The following RBL1 variants were observed in gnomAD, a reference collection of about 807,000 sequenced individuals.
RBL1 encodes RB transcriptional corepressor like 1.
RBL1 carries 82 observed loss-of-function variants against 123.0 expected under a neutral mutation model. That is an observed-to-expected ratio of 0.67 (90% CI 0.56 to 0.80). The LOEUF is 0.80. RBL1 is among the 30% of genes least tolerant of loss of function. The probability of loss-of-function intolerance (pLI) is 0.00; values close to 1 mark genes in which losing one functional copy is unlikely to be tolerated. For synonymous variants in RBL1, 405 were observed against 441.3 expected (o/e 0.92, Z 1.03); for missense variants, 1,171 against 1,299.6 (o/e 0.90, Z 1.52).
chr20:37,005,305 G>T (rs1240929514), intron 20 of RBL1, among the ~76,000 whole-genome samples: 1 of 151,796 alleles, frequency 6.6e-6, no homozygotes, highest in Non-Finnish European at 1.5e-5. Context: ...TACTCAGGAG[G>T]CTGAGTTACA....
Position 37,035,400 on chromosome 20 carries a change from A to G in RBL1, c.2012T>C (p.Met671Thr), listed in dbSNP as rs767860008. The G allele has an allele frequency of 1.2e-6, 2 of 1,614,180 alleles. No homozygotes were observed. Among genetic ancestry groups the G allele is most frequent in the Admixed American group, 1.7e-5 (1 of 60,030 alleles). ...TGTTCCTTCTGTTATGATCTTGTCC[A>G]TAAGCATTTCCTTTGGGGGGTCCTC... ...FGEDPPKEMLMDKIITEGTKL... is the reference protein window; with the variant it reads ...FGEDPPKEMLTDKIITEGTKL... The change falls in exon 15 of 22, where the codon ATG becomes ACG. Residue 671 changes from methionine to threonine, a missense_variant. By Grantham distance (81) the Met-to-Thr change is moderately conservative (BLOSUM62 -1). Transcript: ENST00000373664.
chr20:37,032,823 T>C lies in RBL1; in HGVS notation c.2224A>G (p.Asn742Asp). ...GGACTCTTGACTTTGGACTCCTGAT[T>C]TGTATTCATGGAAAGAGGTATCAGT... ...ITLIPLSMNT[N>D]QESKVKSPVS... is the part of the protein sequence containing the mutation. The change falls in exon 16 of 22, where the codon AAT becomes GAT. Residue 742 changes from asparagine (N) to aspartate (D), a missense_variant. By Grantham distance (23) the Asn-to-Asp change is conservative. Transcript: ENST00000373664. 1 of 1,614,010 alleles carries C rather than the reference T, an allele frequency of 6.2e-7. No homozygotes were observed. Among genetic ancestry groups the C allele is most frequent in the South Asian group, 1.1e-5 (1 of 91,080 alleles).
At chr20:37,088,265 CAA>C (rs1201898782) in intron 2 of RBL1, among the ~76,000 whole-genome samples, 16 of 53,574 alleles carry the variant, frequency 3.0e-4, no homozygotes, top group South Asian at 5.7e-4. Flanking sequence ...AACTCCATCT[CAA>C]AAAAAAAAAA....
rs553948411 is a variant in RBL1 at position 37,036,556 on chromosome 20, G to A, written c.1904-1048C>T. ...TTTGGGATTACAAGCTTCAGCCACC[G>A]TGCCCGGCCTTCATTATTTATTTTT... On this transcript the variant is annotated intron_variant, in intron 14 of 21. Transcript: ENST00000373664. Among the ~76,000 whole-genome samples, 12 of 151,496 alleles carry A rather than the reference G, an allele frequency of 7.9e-5. No homozygotes were observed. The South Asian group carries it at 1.9e-3, about 24-fold the overall frequency.
At chr20:37,022,125 G>C (rs944853981) in intron 17 of RBL1, 1 of 152,142 alleles carries the variant, frequency 6.6e-6, no homozygotes, top group African/African-American at 2.4e-5. Context: ...GAAAAATCAA[G>C]TCTTAACTGT....
intron 16 of RBL1, among the ~76,000 whole-genome samples, chr20:37,023,539 A>G (rs1394043667): frequency 6.6e-6 from 1 of 152,168 alleles, no homozygotes; most frequent in African/African-American, 2.4e-5. Context: ...TCCAAAAATG[A>G]GTCAGAAAGC....
In RBL1 at chr20:37,044,134, C is replaced by T. The variant is rs1211936495; in HGVS notation, c.1722G>A (p.Leu574=). 2.5e-6 allele frequency: 4 copies of T among 1,611,952 alleles called. No homozygotes were observed. The highest frequency in any genetic ancestry group is 3.3e-5 in the Admixed American group (2 of 59,806). Reference sequence around the variant, plus strand: ...TTGCAGAAACCTGGAGAGCCTCCCACAGTGCAGAATCGTGACTCCATGCTA... The same window carrying T: ...TTGCAGAAACCTGGAGAGCCTCCCATAGTGCAGAATCGTGACTCCATGCTA... ...ESLAWSHDSA[L]WEALQVSANK... Residue 574 remains leucine, a synonymous_variant, in exon 13 of 22, where the codon CTG becomes CTA. Coordinates refer to ENST00000373664, the MANE Select transcript of RBL1 (RefSeq NM_002895.5).
At chr20:37,032,501 G>GTGAA (rs2064529207) in intron 16 of RBL1, among the ~76,000 whole-genome samples, 164 bp downstream of exon 16, 1 of 151,926 alleles carries the variant, frequency 6.6e-6, no homozygotes, top group Non-Finnish European at 1.5e-5. Flanking sequence ...GCACAACAAT[G>GTGAA]TGAATGTATT....
At position 37,095,920 on chromosome 20, in the gene RBL1, C is replaced by T. The variant is rs775786158; in HGVS notation, c.9G>A (p.Glu3=). MF[E]DKPHAEGAAV... ...CCGCCCCCTCAGCGTGGGGCTTGTC[C>T]TCGAACATCCCTTCAGGCCCCGCGG... The change falls in exon 1 of 22, where the codon GAG becomes GAA. Residue 3 remains glutamate (E), a synonymous_variant. Coordinates refer to ENST00000373664, the MANE Select transcript of RBL1 (RefSeq NM_002895.5). 1.9e-6 allele frequency: 3 copies of T among 1,587,146 alleles called. No individual in the cohort carries two copies. Among genetic ancestry groups the T allele is most frequent in the Middle Eastern group, 2.3e-4 (1 of 4,376 alleles).
rs767423393 is a variant in RBL1, at chr20:37,068,077, C to T, written c.400G>A (p.Val134Ile). 74 of 1,613,052 alleles carry T rather than the reference C, an allele frequency of 4.6e-5. No homozygotes were observed. Among genetic ancestry groups the T allele is most frequent in the African/African-American group, 6.7e-5 (5 of 74,718 alleles). ...ATTGGCTCATATTTTTTGAATATTA[C>T]AGTAGACACCTCAAAATTTCTCTCT... Reference protein sequence around the residue: ...RLERNFEVSTVIFKKYEPIFL... With the variant: ...RLERNFEVSTIIFKKYEPIFL... The change falls in exon 3 of 22, where the codon GTA becomes ATA. Residue 134 changes from valine to isoleucine, a missense_variant. Transcript: ENST00000373664.
intron 14 of RBL1, among the ~76,000 whole-genome samples, chr20:37,037,871 G>C (rs2064646320): frequency 6.6e-6 from 1 of 151,832 alleles, no homozygotes. Flanking sequence ...TATTTTACTA[G>C]GGACCAGTTT....
rs140788519 is a variant in RBL1, at chr20:37,059,758, T to C, written c.1250+1345A>G. Among the ~76,000 whole-genome samples, 417 of 152,234 alleles carry C rather than the reference T, an allele frequency of 2.7e-3. 2 individuals carry two copies. Among genetic ancestry groups the C allele is most frequent in the African/African-American group, 9.4e-3 (391 of 41,532 alleles). On this transcript the variant is annotated intron_variant, in intron 9 of 21. Coordinates refer to ENST00000373664, the MANE Select transcript of RBL1 (RefSeq NM_002895.5). The stretch of plus-strand genomic sequence containing the variant: ...TTGCCATTGATAAATATTTTGCTGG[T>C]TTTGACTATTCTCTTATTTTATTAG...
At chr20:37,033,922 C>T (rs906570229) in intron 15 of RBL1, among the ~76,000 whole-genome samples, 3 of 150,944 alleles carry the variant, frequency 2.0e-5, no homozygotes, top group Admixed American at 6.6e-5. Context: ...TGGCGCCCCC[C>T]GGGCCCCCTT....
intron 11 of RBL1, among the ~76,000 whole-genome samples, chr20:37,055,136 T>G (rs529093926): frequency 2.0e-5 from 3 of 152,208 alleles, no homozygotes; most frequent in Admixed American, 1.3e-4. Context: ...AAAAATTCTT[T>G]TACACATCTT....
Position 37,018,405 on chromosome 20 carries a change from C to T in RBL1, c.2632-36G>A, listed in dbSNP as rs201244054. On this transcript the variant is annotated intron_variant, in intron 18 of 21. Coordinates refer to ENST00000373664, the MANE Select transcript of RBL1 (RefSeq NM_002895.5). Reference sequence around the variant, plus strand: ...GAGGGGAAGAAAAGGACAGCTCAGTCACAGAGGTACAGGTTAAACAAAATC... The same window carrying T: ...GAGGGGAAGAAAAGGACAGCTCAGTTACAGAGGTACAGGTTAAACAAAATC... 67 of 1,571,668 alleles carry T rather than the reference C, an allele frequency of 4.3e-5. No homozygotes were observed. The East Asian group carries it at 1.3e-3, about 32-fold the overall frequency.
At chr20:37,056,978 T>C (rs2065018311) in intron 9 of RBL1, among the ~76,000 whole-genome samples, 1 of 150,132 alleles carries the variant, frequency 6.7e-6, no homozygotes, top group African/African-American at 2.4e-5. Context: ...TTCCATCTCA[T>C]ATCTCTATTT....
intron 16 of RBL1, among the ~76,000 whole-genome samples, chr20:37,027,526 C>G (rs906794841): frequency 6.6e-6 from 1 of 152,150 alleles, no homozygotes; most frequent in Non-Finnish European, 1.5e-5. Context: ...AGCCAACCAT[C>G]TAGCTGTGGG....
At chr20:37,023,340 C>T (rs1348192601) in intron 16 of RBL1, among the ~76,000 whole-genome samples, 3 of 152,118 alleles carry the variant, frequency 2.0e-5, no homozygotes, top group Non-Finnish European at 4.4e-5. Flanking sequence ...CCAGGCTGGT[C>T]TTTAACTCTT....
chr20:37,020,980 A>C (rs1402320131), intron 17 of RBL1, among the ~76,000 whole-genome samples: 1 of 152,204 alleles, frequency 6.6e-6, no homozygotes, highest in Non-Finnish European at 1.5e-5. Context: ...GTGTGACTCT[A>C]CTGAAAATCC....
Sources: gnomAD v4.1 joint callset for allele counts (sites outside exome capture counted in the v4.1 genomes callset) on GRCh38, gnomAD v4.1.1 for gene constraint, MANE v1.5 for transcripts, NCBI Gene and HGNC (gene_info 2026-07-23, HGNC 2026-07-21) for gene names.